Variants in ADGB observed in about 807,000 individuals in gnomAD.
ADGB encodes the protein calpain-7-like protein.
A neutral mutation model predicts 210.5 loss-of-function variants in ADGB; 172 were observed. The observed-to-expected ratio is 0.82, with a 90% CI of 0.72 to 0.93. The LOEUF (loss-of-function observed/expected upper bound fraction) is 0.93. Ranked by LOEUF, ADGB falls within the 40% of genes least tolerant of loss-of-function variation. The pLI, the probability that ADGB is intolerant of heterozygous loss-of-function variation, is 0.00. For missense variants in ADGB, 2,025 were observed against 1,964.8 expected, an observed-to-expected ratio of 1.03 and a Z score of -0.58; for synonymous variants, 658 against 662.7, an observed-to-expected ratio of 0.99 and a Z score of 0.11.
At chr6:146,789,762 T>A (rs2114652554) in intron 33 of ADGB, among the ~76,000 whole-genome samples, 1 of 152,296 alleles carries the variant, frequency 6.6e-6, no homozygotes, top group African/African-American at 2.4e-5. Context: ...TCACTTGAGA[T>A]TCCAGGAATT....
chr6:146,716,508 G>T (rs6907414), intron 14 of ADGB, among the ~76,000 whole-genome samples: 27,072 of 135,698 alleles, frequency 0.2, 4,032 homozygotes, highest in African/African-American at 0.31. Context: ...CAGGAGAATG[G>T]CGTGAACCCG....
chr6:146,782,135 G>A lies in ADGB; in HGVS notation c.3978G>A (p.Lys1326=). Residue 1326 remains lysine, a synonymous_variant, in exon 30 of 36, where the codon AAG becomes AAA. Coordinates refer to ENST00000397944, the MANE Select transcript of ADGB (RefSeq NM_024694.4). ...AAACAACAAGGAAAGGCAAAGAAAA[G>A]TCTTCTGAGAAAGAAAAGACAGCCA... ...TSKTTRKGKE[K]SSEKEKTAKE... The A allele has an allele frequency of 1.3e-6, 2 of 1,547,468 alleles. No individual in the cohort carries two copies. Among genetic ancestry groups the A allele is most frequent in the African/African-American group, 1.4e-5 (1 of 72,960 alleles).
intron 28 of ADGB, among the ~76,000 whole-genome samples, chr6:146,765,312 G>A (rs185636971): frequency 1.3e-5 from 2 of 151,876 alleles, no homozygotes; most frequent in South Asian, 2.1e-4. Context: ...GACAGTTCAA[G>A]CTGAAAAACT....
intron 3 of ADGB, among the ~76,000 whole-genome samples, chr6:146,653,863 G>T (rs756786188): frequency 7.2e-5 from 11 of 151,924 alleles, no homozygotes; most frequent in Non-Finnish European, 1.0e-4. Flanking sequence ...TTATCTTAAG[G>T]AATGTGTTTA....
In ADGB at chr6:146,788,378, T is replaced by G; in HGVS notation, c.4316-11T>G. ...GCCAGCTTTTTCAGTAATGCACATG[T>G]CATGTTGTAGTAGAAACAGCTGCAC... On this transcript the variant is annotated splice_polypyrimidine_tract_variant and intron_variant, in intron 32 of 35. Coordinates refer to ENST00000397944, the MANE Select transcript of ADGB (RefSeq NM_024694.4). 2 of 1,550,300 alleles carry G rather than the reference T, an allele frequency of 1.3e-6. No homozygotes were observed. Among genetic ancestry groups the G allele is most frequent in the Non-Finnish European group, 1.7e-6 (2 of 1,145,746 alleles).
At chr6:146,770,488 C>A in intron 29 of ADGB, 1 of 412,046 alleles carries the variant, frequency 2.4e-6, no homozygotes, top group South Asian at 1.8e-5. Flanking sequence ...TCTGAGGTTC[C>A]TCTCTCATTG....
chr6:146,600,361 C>A, intron 1 of ADGB: 1 of 272,864 alleles, frequency 3.7e-6, no homozygotes, highest in South Asian at 3.5e-5. Context: ...CCTTCAGAAT[C>A]AGGCCTGTAT....
intron 1 of ADGB, among the ~76,000 whole-genome samples, chr6:146,634,711 C>T (rs1775377813): frequency 6.6e-6 from 1 of 151,906 alleles, no homozygotes; most frequent in African/African-American, 2.4e-5. Flanking sequence ...TCATTAAAAT[C>T]TATCGTAACA....
intron 13 of ADGB, among the ~76,000 whole-genome samples, chr6:146,714,601 C>A (rs1776704944): frequency 6.6e-6 from 1 of 152,138 alleles, no homozygotes; most frequent in South Asian, 2.1e-4. Context: ...AGACTGGATG[C>A]TGAACCAGAA....
chr6:146,672,276 A>G lies in ADGB; in HGVS notation c.896A>G (p.Lys299Arg), dbSNP rs145664320. Residue 299 changes from lysine (K) to arginine (R), a missense_variant, in exon 8 of 36, where the codon AAG (lysine) becomes AGG (arginine). Coordinates refer to ENST00000397944, the MANE Select transcript of ADGB (RefSeq NM_024694.4). ...ELLKEILPEFKLSDEASSESK... is the reference protein window; with the variant it reads ...ELLKEILPEFRLSDEASSESK... ...CTGAAAGAAATATTGCCTGAGTTTA[A>G]GCTGTCAGATGAGGCCAGCTCTGAA... The G allele has an allele frequency of 7.0e-4, 1,079 of 1,550,620 alleles. 7 individuals carry two copies. In the African/African-American group the frequency reaches 0.013, roughly 18 times the overall value.
chr6:146,758,165 T>C (rs1777436736), intron 27 of ADGB, among the ~76,000 whole-genome samples: 1 of 152,080 alleles, frequency 6.6e-6, no homozygotes. Flanking sequence ...CTTGCCCAAC[T>C]CCATTTCTAG....
intron 16 of ADGB, among the ~76,000 whole-genome samples, chr6:146,717,970 C>G (rs1776758601): frequency 6.6e-6 from 1 of 152,106 alleles, no homozygotes; most frequent in Non-Finnish European, 1.5e-5. Context: ...CACCATTATG[C>G]CTGCATTTTT....
In ADGB at chr6:146,672,876, G is replaced by A. The variant is rs571496182; in HGVS notation, c.1087+409G>A. On this transcript the variant is annotated intron_variant, in intron 8 of 35. Transcript: ENST00000397944. ...CTCCCAAGTAGCTGGGGTTACAGGCGTGCACCACCACGCCCAGCTAATTTT... is the reference window on the plus strand; with the variant it reads ...CTCCCAAGTAGCTGGGGTTACAGGCATGCACCACCACGCCCAGCTAATTTT... 1.8e-4 allele frequency among the ~76,000 whole-genome samples: 28 copies of A among 151,912 alleles called. No homozygotes were observed. In the South Asian group the frequency reaches 4.6e-3, roughly 25 times the overall value.
Position 146,644,356 on chromosome 6 carries a change from C to T in ADGB, c.238-417C>T, listed in dbSNP as rs555436475. Among the ~76,000 whole-genome samples the T allele has an allele frequency of 3.3e-5, 5 of 151,884 alleles. No individual in the cohort carries two copies. In the South Asian group the frequency reaches 1.0e-3, roughly 31 times the overall value. ...TTTATATATAATCTTGTTTATGATT[C>T]TTACAGTTGAAAATTAAATAAATAT... On this transcript the variant is annotated intron_variant, in intron 2 of 35. Coordinates refer to ENST00000397944, the MANE Select transcript of ADGB (RefSeq NM_024694.4).
Position 146,733,107 on chromosome 6 carries a change from T to TAATG in ADGB, c.2521-13_2521-12insAATG. Reference sequence around the variant, plus strand: ...GGTATTTTCTTGCTATAAAAAAAATTTATGTGTTTCAGGTTTTTCATCTTT... The same window carrying TAATG: ...GGTATTTTCTTGCTATAAAAAAAATTAATGTATGTGTTTCAGGTTTTTCATCTTT... On this transcript the variant is annotated splice_polypyrimidine_tract_variant and intron_variant, in intron 20 of 35. Transcript: ENST00000397944. 6.7e-7 allele frequency: 1 copy of TAATG among 1,486,458 alleles called. No homozygotes were observed. The highest frequency in any genetic ancestry group is 9.0e-7 in the Non-Finnish European group (1 of 1,114,220). 92.1% of individuals were successfully genotyped at this position (1,486,458 alleles called of 1,614,324 possible).
At chr6:146,701,207 T>A in intron 13 of ADGB, 137 bp downstream of exon 13, 1 of 1,009,556 alleles carries the variant, frequency 9.9e-7, no homozygotes, top group Non-Finnish European at 1.4e-6. Context: ...TTAAAATAAA[T>A]CTCTTATGTA....
intron 33 of ADGB, among the ~76,000 whole-genome samples, chr6:146,794,489 T>G (rs988691018): frequency 5.3e-5 from 8 of 152,310 alleles, no homozygotes; most frequent in African/African-American, 1.9e-4. Context: ...ATATTATTGT[T>G]TTTTATATTT....
intron 14 of ADGB, among the ~76,000 whole-genome samples, chr6:146,716,435 CAA>C (rs1238177015): frequency 1.4e-5 from 2 of 138,752 alleles, no homozygotes. Flanking sequence ...ACTAAAAATA[CAA>C]AAAAAATTAG....
At chr6:146,721,259 A>C (rs751585866) in intron 16 of ADGB, 144 bp from the exon 17 acceptor site, 1 of 585,960 alleles carries the variant, frequency 1.7e-6, no homozygotes, top group East Asian at 2.9e-5. Context: ...TCATATAATT[A>C]GATTCATAAA....
Sources: allele counts gnomAD v4.1 joint callset (sites outside exome capture counted in the v4.1 genomes callset), GRCh38; gene constraint gnomAD v4.1.1; transcripts MANE v1.5; gene names NCBI Gene and HGNC (gene_info 2026-07-23, HGNC 2026-07-21).